Variants in DEPTOR observed in about 807,000 individuals in gnomAD.
DEPTOR encodes the protein DEP domain containing MTOR interacting protein.
In DEPTOR, 41 loss-of-function variants were observed where a neutral mutation model predicts 41.6. The observed-to-expected ratio is 0.98, with a 90% CI of 0.77 to 1.28. DEPTOR has a LOEUF of 1.28. Among genes scored for constraint, DEPTOR ranks in the 50% most tolerant of loss-of-function variants. DEPTOR has a pLI of 0.00. For missense variants in DEPTOR, 514 were observed against 527.9 expected, an observed-to-expected ratio of 0.97 and a Z score of 0.26; for synonymous variants, 195 against 192.3, an observed-to-expected ratio of 1.01 and a Z score of -0.12.
chr8:119,897,532 C>G (rs944826217), intron 1 of DEPTOR, among the ~76,000 whole-genome samples: 3 of 150,944 alleles, frequency 2.0e-5, no homozygotes, highest in Non-Finnish European at 4.4e-5. Flanking sequence ...GACTCTGTCT[C>G]AAAAAAATAA....
At chr8:119,928,743 C>CTTTTTTTTTTTTTT (rs376801517) in intron 2 of DEPTOR, among the ~76,000 whole-genome samples, 165 bp downstream of exon 2, 7 of 127,896 alleles carry the variant, frequency 5.5e-5, no homozygotes, top group African/African-American at 8.8e-5. Flanking sequence ...TGGGTTCTTT[C>CTTTTTTTTTTTTTT]TTTTTTTTTT....
intron 3 of DEPTOR, among the ~76,000 whole-genome samples, chr8:119,937,915 C>G (rs1487659837): frequency 2.6e-5 from 4 of 152,152 alleles, no homozygotes. Context: ...AGAAAACTTG[C>G]CCTCTGTCTG....
At chr8:120,003,640 G>A (rs1812390617) in intron 6 of DEPTOR, among the ~76,000 whole-genome samples, 1 of 151,846 alleles carries the variant, frequency 6.6e-6, no homozygotes, top group South Asian at 2.1e-4. Context: ...ATCTGTTGGG[G>A]CCCAACACCC....
At chr8:119,918,405 G>C (rs895872261) in intron 1 of DEPTOR, among the ~76,000 whole-genome samples, 3 of 152,050 alleles carry the variant, frequency 2.0e-5, no homozygotes, top group African/African-American at 7.2e-5. Flanking sequence ...TATTCACAGA[G>C]CCATTGCTAG....
At chr8:120,023,488 T>C (rs1227037825) in intron 8 of DEPTOR, among the ~76,000 whole-genome samples, 1 of 152,144 alleles carries the variant, frequency 6.6e-6, no homozygotes, top group Non-Finnish European at 1.5e-5. Flanking sequence ...CATTGGGCAT[T>C]AAGACTTCAA....
chr8:120,041,611 C>G (rs1295761102), intron 8 of DEPTOR, among the ~76,000 whole-genome samples: 1 of 152,136 alleles, frequency 6.6e-6, no homozygotes, highest in Non-Finnish European at 1.5e-5. Flanking sequence ...CATCTCAGCT[C>G]ACTACAACCT....
intron 4 of DEPTOR, among the ~76,000 whole-genome samples, chr8:119,991,080 TTCTTTCTTTTTCTTTC>T (rs1484420886): frequency 6.2e-4 from 47 of 75,878 alleles, no homozygotes; most frequent in African/African-American, 2.2e-3. Flanking sequence ...CTTTCTTTCT[TTCTTTCTTTTTCTTTC>T]TTTCTTTCTT....
intron 3 of DEPTOR, among the ~76,000 whole-genome samples, chr8:119,933,079 G>A (rs962575091): frequency 2.0e-5 from 3 of 152,062 alleles, no homozygotes; most frequent in African/African-American, 7.2e-5. Flanking sequence ...AGAGGAGGGA[G>A]TGGGGAAGTG....
intron 8 of DEPTOR, among the ~76,000 whole-genome samples, chr8:120,046,702 A>G (rs1163808339): frequency 2.0e-5 from 3 of 152,084 alleles, no homozygotes; most frequent in African/African-American, 7.2e-5. Flanking sequence ...TCAGCCTCCC[A>G]AAGTGTTAGG....
chr8:119,904,258 A>G (rs1586607512), intron 1 of DEPTOR, among the ~76,000 whole-genome samples: 1 of 151,940 alleles, frequency 6.6e-6, no homozygotes, highest in Admixed American at 6.6e-5. Context: ...AGTTGGAACT[A>G]CAGGTGCCTG....
intron 3 of DEPTOR, among the ~76,000 whole-genome samples, chr8:119,943,061 T>C (rs1381033014): frequency 5.9e-5 from 9 of 152,216 alleles, no homozygotes; most frequent in African/African-American, 9.6e-5. Flanking sequence ...ATCCATTCTC[T>C]ATCCTTTTCC....
At chr8:120,000,183 C>A (rs960205539) in intron 4 of DEPTOR, among the ~76,000 whole-genome samples, 1 of 152,124 alleles carries the variant, frequency 6.6e-6, no homozygotes, top group Non-Finnish European at 1.5e-5. Flanking sequence ...TTAAAGTGTA[C>A]AATTGAGTGG....
Position 120,049,953 on chromosome 8 carries a change from T to C in DEPTOR, c.*249T>C. ...TTCCTACATGATAGAACTGCCTTAC[T>C]AGATTTCTATTTGTAGCTCTCATTC... is the stretch of plus-strand genomic sequence containing the variant. On this transcript the variant is annotated 3_prime_UTR_variant, in exon 9 of 9. Transcript: ENST00000286234. 1 of 314,864 alleles carries C rather than the reference T, an allele frequency of 3.2e-6. No individual in the cohort carries two copies. The highest frequency in any genetic ancestry group is 5.8e-6 in the Non-Finnish European group (1 of 173,054). The allele number at this position is 314,864 out of a possible 1,614,324, so 19.5% of individuals were successfully genotyped here.
intron 8 of DEPTOR, among the ~76,000 whole-genome samples, chr8:120,024,435 C>T (rs967415329): frequency 3.9e-5 from 6 of 152,112 alleles, no homozygotes; most frequent in Middle Eastern, 3.4e-3. Context: ...GTCCTAACCC[C>T]GAGTACCTCA....
At chr8:120,009,338 C>T (rs977092226) in intron 8 of DEPTOR, among the ~76,000 whole-genome samples, 1 of 152,100 alleles carries the variant, frequency 6.6e-6, no homozygotes, top group Non-Finnish European at 1.5e-5. Context: ...TCTAGCCAGG[C>T]GCGGTGGCTC....
rs117190235 is a variant in DEPTOR at position 119,883,944 on chromosome 8, A to G, written c.122+9976A>G. The stretch of plus-strand genomic sequence containing the variant: ...TGCAGAGCAGGCAGGATTCAGAAGG[A>G]CTAGTCCTAGCACAGTACGCTCAGT... On this transcript the variant is annotated intron_variant, in intron 1 of 8. Transcript: ENST00000286234. 7.1e-4 allele frequency among the ~76,000 whole-genome samples: 108 copies of G among 152,326 alleles called. 1 individual carries two copies. The East Asian group carries it at 0.016, about 23-fold the overall frequency.
chr8:119,965,485 C>T (rs1828548170), intron 4 of DEPTOR, 75 bp downstream of exon 4: 1 of 1,520,792 alleles, frequency 6.6e-7, no homozygotes, highest in African/African-American at 1.4e-5. Context: ...ACAACACGTA[C>T]TTATTTCTCA....
chr8:119,935,237 C>A (rs528687754), intron 3 of DEPTOR, among the ~76,000 whole-genome samples: 1 of 152,314 alleles, frequency 6.6e-6, no homozygotes, highest in South Asian at 2.1e-4. Context: ...AGACACTCAA[C>A]ACATGAACAT....
rs761193491 is a variant in DEPTOR, at chr8:120,049,573, T to G, written c.1102-3T>G. ...ATGCTCTTTCTTTGCATCTTTCCTT[T>G]AGGTCTGTCAGTTTGTCGTCTCTGT... is the stretch of plus-strand genomic sequence containing the variant. On this transcript the variant is annotated splice_polypyrimidine_tract_variant and splice_region_variant and intron_variant, in intron 8 of 8. Coordinates refer to ENST00000286234, the MANE Select transcript of DEPTOR (RefSeq NM_022783.4). 5.0e-6 allele frequency: 8 copies of G among 1,613,146 alleles called. No homozygotes were observed. Among genetic ancestry groups the G allele is most frequent in the Non-Finnish European group, 6.8e-6 (8 of 1,179,356 alleles).
Sources: allele counts gnomAD v4.1 joint callset (sites outside exome capture counted in the v4.1 genomes callset), GRCh38; gene constraint gnomAD v4.1.1; transcripts MANE v1.5; gene names NCBI Gene and HGNC (gene_info 2026-07-23, HGNC 2026-07-21).